HIVEP1: variants seen among roughly 807,000 people sequenced by gnomAD.
HIVEP1 encodes the protein zinc finger protein 40.
HIVEP1 carries 36 observed loss-of-function variants against 180.0 expected under a neutral mutation model. The ratio of observed to expected loss-of-function variants is 0.20; its 90% confidence interval spans 0.15 to 0.26. HIVEP1 has a LOEUF of 0.26. Among genes scored for constraint, HIVEP1 ranks in the 10% least tolerant of loss-of-function variants. The pLI, the probability that HIVEP1 is intolerant of heterozygous loss-of-function variation, is 1.00. For missense variants in HIVEP1, 3,143 were observed against 3,268.7 expected, an observed-to-expected ratio of 0.96 and a Z score of 0.94; for synonymous variants, 1,239 against 1,239.0, an observed-to-expected ratio of 1.00 and a Z score of 0.00.
Position 12,141,691 on chromosome 6 carries a change from CAAAAAAAAAAAAAAAAA to C in HIVEP1, c.6487+5812_6487+5828del, listed in dbSNP as rs60419579. Among the ~76,000 whole-genome samples the C allele has an allele frequency of 4.2e-4, 8 of 19,238 alleles. 1 individual carries two copies. The highest frequency in any genetic ancestry group is 1.1e-3 in the Non-Finnish European group (7 of 6,440). 12.6% of individuals were successfully genotyped at this position (19,238 alleles called of 152,430 possible). A position where few individuals can be genotyped will look rare whatever the true frequency, so the allele number is the denominator to read the frequency against. On this transcript the variant is annotated intron_variant, in intron 7 of 8. Coordinates refer to ENST00000379388, the MANE Select transcript of HIVEP1 (RefSeq NM_002114.4). ...GAAGATCTACCAAGCAAATGGAAAG[CAAAAAAAAAAAAAAAAA>C]AAAAAAAAAAAAGCAGGGGTTGCAA... is the stretch of plus-strand genomic sequence containing the variant.
chr6:12,057,266 G>A (rs754028493), intron 2 of HIVEP1, among the ~76,000 whole-genome samples: 3 of 152,238 alleles, frequency 2.0e-5, no homozygotes, highest in Admixed American at 6.5e-5. Context: ...GCATTTAAAA[G>A]TATTGCCTGT....
At chr6:12,080,655 A>G (rs1038546046) in intron 2 of HIVEP1, among the ~76,000 whole-genome samples, 3 of 152,152 alleles carry the variant, frequency 2.0e-5, no homozygotes, top group African/African-American at 7.2e-5. Flanking sequence ...CCTCATATCT[A>G]CTTTTCTCTT....
At chr6:12,202,928 T>C in the HIVEP1 span, among the ~76,000 whole-genome samples, 4 of 152,222 alleles carry the variant, frequency 2.6e-5, no homozygotes. Context: ...GCACACCTTC[T>C]GAAATCCACA....
intron 7 of HIVEP1, 95 bp from the exon 8 acceptor site, chr6:12,161,344 C>G: frequency 8.4e-7 from 1 of 1,186,906 alleles, no homozygotes; most frequent in East Asian, 2.3e-5. Context: ...CTTTTATAAT[C>G]CTTGCAGAGT....
At chr6:12,103,610 A>G (rs1774238078) in intron 3 of HIVEP1, among the ~76,000 whole-genome samples, 1 of 151,822 alleles carries the variant, frequency 6.6e-6, no homozygotes, top group Non-Finnish European at 1.5e-5. Flanking sequence ...GGCAGCTGTT[A>G]TTATATTTAA....
chr6:12,087,862 G>A (rs1252896055), intron 2 of HIVEP1, among the ~76,000 whole-genome samples: 2 of 152,080 alleles, frequency 1.3e-5, no homozygotes, highest in African/African-American at 2.4e-5. Flanking sequence ...ATTATATTCT[G>A]GATCTGATAA....
chr6:12,136,490 A>G (rs1013110385), intron 7 of HIVEP1, among the ~76,000 whole-genome samples: 2 of 152,164 alleles, frequency 1.3e-5, no homozygotes, highest in African/African-American at 4.8e-5. Flanking sequence ...GGACTCCTCT[A>G]GTATTTTACA....
chr6:12,167,708 TATGCATA>T (rs1464871597), downstream of HIVEP1, among the ~76,000 whole-genome samples: 8 of 97,220 alleles, frequency 8.2e-5, no homozygotes, highest in African/African-American at 3.1e-4. Context: ...TATATACATA[TATGCATA>T]ATATATATAC....
At position 12,122,702 on chromosome 6, in the gene HIVEP1, G is replaced by A. The variant is rs765788654; in HGVS notation, c.2907G>A (p.Arg969=). 1 of 1,614,022 alleles carries A rather than the reference G, an allele frequency of 6.2e-7. No individual in the cohort carries two copies. The highest frequency in any genetic ancestry group is 1.1e-5 in the South Asian group (1 of 91,038). ...FECETCRNRY[R]KLENFENHKK... ...GTGAAACTTGTAGAAACAGGTATAG[G>A]AAACTGGAAAATTTTGAAAATCATA... Residue 969 remains arginine, a synonymous_variant, in exon 4 of 9, where the codon AGG becomes AGA. Transcript: ENST00000379388.
chr6:12,192,453 C>G, the HIVEP1 span, among the ~76,000 whole-genome samples: 1 of 152,156 alleles, frequency 6.6e-6, no homozygotes, highest in Non-Finnish European at 1.5e-5. Flanking sequence ...TGGTTTGGCT[C>G]TGTGTCCTCA....
intron 2 of HIVEP1, among the ~76,000 whole-genome samples, chr6:12,030,382 T>G (rs1012002787): frequency 2.0e-5 from 3 of 152,178 alleles, no homozygotes; most frequent in African/African-American, 7.2e-5. Context: ...ATATTTTTTC[T>G]GTACCTTTCT....
intron 4 of HIVEP1, among the ~76,000 whole-genome samples, chr6:12,128,925 T>C (rs1272725520): frequency 6.6e-6 from 1 of 152,126 alleles, no homozygotes; most frequent in Non-Finnish European, 1.5e-5. Flanking sequence ...AGAATTATGG[T>C]TTTAGCTGGG....
At chr6:12,060,357 C>G (rs1489653854) in intron 2 of HIVEP1, among the ~76,000 whole-genome samples, 1 of 152,188 alleles carries the variant, frequency 6.6e-6, no homozygotes, top group African/African-American at 2.4e-5. Flanking sequence ...CAGACAATTA[C>G]AGTATAAACT....
chr6:12,055,821 T>C (rs2113734448), intron 2 of HIVEP1, among the ~76,000 whole-genome samples: 1 of 152,334 alleles, frequency 6.6e-6, no homozygotes, highest in South Asian at 2.1e-4. Flanking sequence ...AGCAAGATGA[T>C]GGAGATAAAC....
chr6:12,152,397 G>A (rs1344874989), intron 7 of HIVEP1, among the ~76,000 whole-genome samples: 1 of 151,962 alleles, frequency 6.6e-6, no homozygotes, highest in Admixed American at 6.6e-5. Context: ...AGCAGCAGTA[G>A]TCTTGTTTAG....
chr6:12,170,715 G>A, the HIVEP1 span, among the ~76,000 whole-genome samples: 3 of 152,186 alleles, frequency 2.0e-5, no homozygotes, highest in Non-Finnish European at 2.9e-5. Context: ...AGTACGGTGG[G>A]CTCGTCAAGT....
At chr6:12,069,753 A>G (rs1771844289) in intron 2 of HIVEP1, among the ~76,000 whole-genome samples, 1 of 151,930 alleles carries the variant, frequency 6.6e-6, no homozygotes, top group African/African-American at 2.4e-5. Flanking sequence ...AAAGAAAAAA[A>G]TTGTGTTAGT....
In HIVEP1 at chr6:12,133,694, A is replaced by G. The variant is rs970839404; in HGVS notation, c.6386-2097A>G. Among the ~76,000 whole-genome samples, 12 of 152,200 alleles carry G rather than the reference A, an allele frequency of 7.9e-5. 1 individual carries two copies. The highest frequency in any genetic ancestry group is 6.5e-5 in the Admixed American group (1 of 15,284). On this transcript the variant is annotated intron_variant, in intron 6 of 8. Transcript: ENST00000379388. ...TCTATCTAGGGAGCAAAAACATTTT[A>G]AAAGAGGGCCAGGTGCGGTGGCTCA...
intron 2 of HIVEP1, among the ~76,000 whole-genome samples, chr6:12,051,067 T>TA (rs1770508604): frequency 7.0e-6 from 1 of 143,214 alleles, no homozygotes; most frequent in African/African-American, 2.6e-5. Flanking sequence ...ACAGGGTTTT[T>TA]ACTTCACCTC....
Sources: gnomAD v4.1 joint callset for allele counts (sites outside exome capture counted in the v4.1 genomes callset) on GRCh38, gnomAD v4.1.1 for gene constraint, MANE v1.5 for transcripts, NCBI Gene and HGNC (gene_info 2026-07-23, HGNC 2026-07-21) for gene names.